Variants in TMTC1 observed in about 807,000 individuals in gnomAD.
TMTC1 encodes the protein protein O-mannosyl-transferase TMTC1.
TMTC1 carries 73 observed loss-of-function variants against 104.8 expected under a neutral mutation model. The observed-to-expected ratio is 0.70, with a 90% confidence interval of 0.58 to 0.85. TMTC1 has a LOEUF of 0.85. Among genes scored for constraint, TMTC1 ranks in the 40% least tolerant of loss-of-function variants. The probability of loss-of-function intolerance (pLI) is 0.00; values close to 1 mark genes in which losing one functional copy is unlikely to be tolerated. For missense variants in TMTC1, 1,035 were observed against 1,096.1 expected (o/e 0.94, Z 0.79); for synonymous variants, 434 against 428.7 (o/e 1.01, Z -0.15).
At chr12:29,537,302 A>T (rs909544895) in intron 10 of TMTC1, among the ~76,000 whole-genome samples, 15 of 152,210 alleles carry the variant, frequency 9.9e-5, no homozygotes, top group Non-Finnish European at 2.2e-4. Context: ...AGCAATGACT[A>T]TGTGCCATAT....
intron 5 of TMTC1, among the ~76,000 whole-genome samples, chr12:29,738,896 T>C (rs1233916768): frequency 6.6e-6 from 1 of 152,124 alleles, no homozygotes. Flanking sequence ...ATGTGAACAC[T>C]CTACAAAACT....
intron 11 of TMTC1, among the ~76,000 whole-genome samples, chr12:29,527,653 T>C (rs920748873): frequency 6.6e-6 from 1 of 152,346 alleles, no homozygotes; most frequent in South Asian, 2.1e-4. Context: ...AGGAACACAA[T>C]TGATGTCCTC....
chr12:29,570,932 A>G (rs1057415300), intron 9 of TMTC1, among the ~76,000 whole-genome samples: 2 of 145,796 alleles, frequency 1.4e-5, no homozygotes, highest in African/African-American at 5.1e-5. Flanking sequence ...AACTTCTGCC[A>G]TATTTGCCAT....
intron 10 of TMTC1, among the ~76,000 whole-genome samples, chr12:29,539,399 G>C (rs1243323393): frequency 6.6e-6 from 1 of 152,162 alleles, no homozygotes; most frequent in African/African-American, 2.4e-5. Context: ...TCACACATCT[G>C]ATTTTAGTTC....
intron 1 of TMTC1, among the ~76,000 whole-genome samples, chr12:29,771,006 A>G (rs1165620014): frequency 6.6e-6 from 1 of 152,212 alleles, no homozygotes; most frequent in Non-Finnish European, 1.5e-5. Flanking sequence ...AAGACAGCCT[A>G]AGATAGATTT....
chr12:29,775,427 C>T (rs570212294), intron 1 of TMTC1, among the ~76,000 whole-genome samples: 2 of 152,240 alleles, frequency 1.3e-5, no homozygotes, highest in East Asian at 3.9e-4. Flanking sequence ...CCCACAACTC[C>T]CTCAGGTTCG....
In TMTC1 at chr12:29,504,530, T is replaced by C. The variant is rs748326765; in HGVS notation, c.*2316A>G. The C allele has an allele frequency of 2.6e-5, 4 of 152,114 alleles. No individual in the cohort carries two copies. Among genetic ancestry groups the C allele is most frequent in the Non-Finnish European group, 5.9e-5 (4 of 68,028 alleles). The allele number at this position is 152,114 out of a possible 1,614,324, so 9.4% of individuals were successfully genotyped here. On this transcript the variant is annotated 3_prime_UTR_variant, in exon 18 of 18. Coordinates refer to ENST00000539277, the MANE Select transcript of TMTC1 (RefSeq NM_001193451.2). ...CTTTTTTAAAAAACAGTGCTTACTT[T>C]TAGTGTTCAAAAGATGCCAGTGTGT...
chr12:29,596,365 G>A (rs1946404603), intron 7 of TMTC1, among the ~76,000 whole-genome samples: 1 of 152,068 alleles, frequency 6.6e-6, no homozygotes, highest in Non-Finnish European at 1.5e-5. Context: ...CCTTCCAATG[G>A]TATCATTAAG....
intron 7 of TMTC1, among the ~76,000 whole-genome samples, chr12:29,584,599 G>A (rs1349198428): frequency 6.6e-6 from 1 of 150,790 alleles, no homozygotes; most frequent in Non-Finnish European, 1.5e-5. Flanking sequence ...CCGCTTCCCC[G>A]ACCCCACAAC....
At chr12:29,602,165 C>G (rs1416370006) in intron 7 of TMTC1, among the ~76,000 whole-genome samples, 5 of 148,468 alleles carry the variant, frequency 3.4e-5, no homozygotes, top group Non-Finnish European at 7.5e-5. Context: ...TTTTCTGAGA[C>G]AGGGTCTGGT....
In TMTC1 at chr12:29,548,834, TCACTTA is replaced by T. The variant is rs1299444678; in HGVS notation, c.1676+8017_1676+8022del. Among the ~76,000 whole-genome samples the T allele has an allele frequency of 2.1e-3, 11 of 5,162 alleles. No homozygotes were observed. The South Asian group carries it at 0.021, about 10-fold the overall frequency. The allele number at this position is 5,162 out of a possible 152,430, so 3.4% of individuals were successfully genotyped here. Reference sequence around the variant, plus strand: ...AAAGGTTATATATTGCTTGATTATATCACTTATCTAAAATATATAATATATAAATAT... The same window carrying T: ...AAAGGTTATATATTGCTTGATTATATTCTAAAATATATAATATATAAATAT... On this transcript the variant is annotated intron_variant, in intron 10 of 17. Transcript: ENST00000539277.
chr12:29,528,346 C>T (rs1050243193), intron 11 of TMTC1, among the ~76,000 whole-genome samples: 10 of 152,022 alleles, frequency 6.6e-5, no homozygotes, highest in South Asian at 6.2e-4. Flanking sequence ...ATATTAATAC[C>T]GTCTGCTGTA....
chr12:29,509,174 T>C (rs553782762), intron 17 of TMTC1, among the ~76,000 whole-genome samples: 1 of 152,284 alleles, frequency 6.6e-6, no homozygotes, highest in African/African-American at 2.4e-5. Context: ...GACAGCACCA[T>C]TCTAGAAAAT....
chr12:29,684,975 C>A (rs1478565168), intron 5 of TMTC1, among the ~76,000 whole-genome samples: 2 of 152,016 alleles, frequency 1.3e-5, no homozygotes, highest in Non-Finnish European at 2.9e-5. Context: ...TTTTCCCTTT[C>A]TATTTCAAAC....
chr12:29,523,335 G>A (rs1184954770), intron 11 of TMTC1, among the ~76,000 whole-genome samples: 1 of 152,200 alleles, frequency 6.6e-6, no homozygotes, highest in Non-Finnish European at 1.5e-5. Context: ...AAAGGAAAGC[G>A]ACTTACAGAA....
rs1427141405 is a variant in TMTC1, at chr12:29,501,987, A to G, written c.*4859T>C. The G allele has an allele frequency of 6.6e-6, 1 of 152,124 alleles. No homozygotes were observed. 9.4% of individuals were successfully genotyped at this position (152,124 alleles called of 1,614,324 possible). ...ATATTTTTTGGAAGAACTATTCAGCATATTTTCCTTTTGCATCAAAAACGT... is the reference window on the plus strand; with the variant it reads ...ATATTTTTTGGAAGAACTATTCAGCGTATTTTCCTTTTGCATCAAAAACGT... On this transcript the variant is annotated 3_prime_UTR_variant, in exon 18 of 18. Transcript: ENST00000539277.
intron 7 of TMTC1, among the ~76,000 whole-genome samples, chr12:29,588,211 C>T (rs1372706686): frequency 1.3e-5 from 2 of 152,214 alleles, no homozygotes; most frequent in Non-Finnish European, 2.9e-5. Flanking sequence ...CCACAGGTAT[C>T]TTGCAAGAGC....
At chr12:29,612,387 T>C (rs138847257) in intron 6 of TMTC1, among the ~76,000 whole-genome samples, 120 of 152,286 alleles carry the variant, frequency 7.9e-4, no homozygotes, top group Middle Eastern at 6.8e-3. Flanking sequence ...AGGTTTGAAA[T>C]GGTTCATCCA....
At chr12:29,753,325 G>A (rs995820548) in intron 4 of TMTC1, among the ~76,000 whole-genome samples, 5 of 152,116 alleles carry the variant, frequency 3.3e-5, no homozygotes, top group African/African-American at 1.2e-4. Flanking sequence ...CAGAACCTTT[G>A]AGCTGTGTAA....
Sources: gnomAD v4.1 joint callset for allele counts (sites outside exome capture counted in the v4.1 genomes callset) on GRCh38, gnomAD v4.1.1 for gene constraint, MANE v1.5 for transcripts, NCBI Gene and HGNC (gene_info 2026-07-23, HGNC 2026-07-21) for gene names.